SPTLC1: variants seen among roughly 807,000 people sequenced by gnomAD.
The protein encoded by SPTLC1 is serine palmitoyltransferase 1.
A neutral mutation model predicts 68.9 loss-of-function variants in SPTLC1; 55 were observed. The ratio of observed to expected loss-of-function variants is 0.80; its 90% CI spans 0.64 to 1.00. The LOEUF (loss-of-function observed/expected upper bound fraction) is 1.00. Ranked by LOEUF, SPTLC1 falls within the 50% of genes least tolerant of loss-of-function variation. The pLI, the probability that SPTLC1 is intolerant of heterozygous loss-of-function variation, is 0.00. For missense variants in SPTLC1, 449 were observed against 573.1 expected (o/e 0.78, Z 2.21); for synonymous variants, 197 against 201.6 (o/e 0.98, Z 0.19).
chr9:92,047,497 T>C, intron 10 of SPTLC1, 116 bp downstream of exon 10: 1 of 778,274 alleles, frequency 1.3e-6, no homozygotes. Context: ...AAATTGACAT[T>C]TAAATAAAAA....
intron 11 of SPTLC1, 179 bp from the exon 12 acceptor site, chr9:92,046,232 CT>C (rs1309972075): frequency 3.2e-6 from 2 of 626,992 alleles, no homozygotes; most frequent in Non-Finnish European, 5.6e-6. Flanking sequence ...CTGGTGCGTG[CT>C]AACTGGCCCC....
intron 9 of SPTLC1, among the ~76,000 whole-genome samples, chr9:92,048,145 G>A (rs145541036): frequency 1.4e-4 from 22 of 152,268 alleles, no homozygotes; most frequent in South Asian, 4.2e-4. Flanking sequence ...TATTCAGTTT[G>A]CCTCTCAGCA....
chr9:92,069,966 CTG>C (rs1834423252), intron 5 of SPTLC1, among the ~76,000 whole-genome samples: 1 of 152,188 alleles, frequency 6.6e-6, no homozygotes, highest in Non-Finnish European at 1.5e-5. Context: ...GAATGTAAAA[CTG>C]AGTATAACCC....
intron 9 of SPTLC1, among the ~76,000 whole-genome samples, chr9:92,049,396 C>T (rs994947226): frequency 6.6e-6 from 1 of 152,112 alleles, no homozygotes; most frequent in Non-Finnish European, 1.5e-5. Context: ...CAGTCTGGGT[C>T]CATTTCCCTC....
At chr9:92,032,830 C>T (rs1180348119) in intron 14 of SPTLC1, among the ~76,000 whole-genome samples, 2 of 150,316 alleles carry the variant, frequency 1.3e-5, no homozygotes, top group African/African-American at 2.5e-5. Context: ...GAGCCGAGAT[C>T]GCGCCATTGC....
chr9:92,046,175 T>A, intron 11 of SPTLC1, 122 bp from the exon 12 acceptor site: 1 of 882,530 alleles, frequency 1.1e-6, no homozygotes, highest in Non-Finnish European at 1.8e-6. Flanking sequence ...TTCTACATAC[T>A]AACAGAGCCA....
At chr9:92,108,607 A>C in intron 3 of SPTLC1, 133 bp downstream of exon 3, 5 of 1,257,690 alleles carry the variant, frequency 4.0e-6, no homozygotes, top group Non-Finnish European at 5.6e-6. Flanking sequence ...TCAGGAGCTA[A>C]AGCTGTTACT....
intron 13 of SPTLC1, among the ~76,000 whole-genome samples, chr9:92,037,595 G>A (rs764855881): frequency 3.9e-5 from 6 of 152,134 alleles, no homozygotes; most frequent in African/African-American, 7.2e-5. Context: ...CTGTAAACCC[G>A]CGTGCCCAGG....
rs537125477 is a variant in SPTLC1, at chr9:92,031,875, A to C, written c.*590T>G. 5.4e-5 allele frequency: 9 copies of C among 165,594 alleles called. No individual in the cohort carries two copies. The highest frequency in any genetic ancestry group is 1.9e-4 in the African/African-American group (8 of 41,902). The allele number at this position is 165,594 out of a possible 1,614,324, so 10.3% of individuals were successfully genotyped here. A position where few individuals can be genotyped will look rare whatever the true frequency, so the allele number is the denominator to read the frequency against. On this transcript the variant is annotated 3_prime_UTR_variant, in exon 15 of 15. Coordinates refer to ENST00000262554, the MANE Select transcript of SPTLC1 (RefSeq NM_006415.4). The stretch of plus-strand genomic sequence containing the variant: ...TGTGACATCAATATTTAGTGTGTAC[A>C]AAAGTTCTAAGATTCAAATACAATG...
intron 8 of SPTLC1, chr9:92,050,287 T>A (rs79573324): frequency 2.0e-6 from 1 of 495,092 alleles, no homozygotes; most frequent in African/African-American, 1.9e-5. Flanking sequence ...AGTGAAGAAT[T>A]TGAATTACCT....
chr9:92,051,179 C>T (rs1833692666), intron 8 of SPTLC1: 2 of 980,794 alleles, frequency 2.0e-6, no homozygotes, highest in Non-Finnish European at 2.4e-6. Context: ...TCTATTGATA[C>T]TTAAAATATA....
In SPTLC1 at chr9:92,046,071, G is replaced by C. The variant is rs756407686; in HGVS notation, c.1082-18C>G. ...AAAAATACCTAGATGAAAAAAATAC[G>C]TTTGAGAGTCTATTTGAAACTTATG... On this transcript the variant is annotated intron_variant, in intron 11 of 14. Transcript: ENST00000262554. The C allele has an allele frequency of 6.2e-7, 1 of 1,604,988 alleles. No individual in the cohort carries two copies. The highest frequency in any genetic ancestry group is 8.5e-7 in the Non-Finnish European group (1 of 1,174,012).
chr9:92,079,542 A>G, intron 5 of SPTLC1: 1 of 1,613,910 alleles, frequency 6.2e-7, no homozygotes, highest in Non-Finnish European at 8.5e-7. Flanking sequence ...ATACACAAGG[A>G]AATCAATGAT....
intron 5 of SPTLC1, among the ~76,000 whole-genome samples, chr9:92,077,741 C>T (rs868392146): frequency 1.6e-4 from 24 of 152,182 alleles, no homozygotes; most frequent in Non-Finnish European, 2.8e-4. Context: ...CGCTTTTACT[C>T]CAGACCATTG....
At chr9:92,047,382 G>C in intron 10 of SPTLC1, 114 bp from the exon 11 acceptor site, 1 of 899,986 alleles carries the variant, frequency 1.1e-6, no homozygotes, top group Admixed American at 2.0e-5. Context: ...GTGGTGAGGG[G>C]GGTAAGATCC....
In SPTLC1 at chr9:92,080,891, C is replaced by T. The variant is rs755311158; in HGVS notation, c.333G>A (p.Leu111=). The T allele has an allele frequency of 4.3e-6, 7 of 1,614,002 alleles. No homozygotes were observed. Among genetic ancestry groups the T allele is most frequent in the Middle Eastern group, 3.3e-4 (2 of 6,062 alleles). The part of the protein sequence containing the change: ...INFASFNFLG[L]LDNPRVKAAA... ...TCACCTTAACCCTAGGGTTATCCAA[C>T]AATCCAAGAAAATTAAATGAGGCGA... The change falls in exon 4 of 15, where the codon TTG becomes TTA. Residue 111 remains leucine, a synonymous_variant. Coordinates refer to ENST00000262554, the MANE Select transcript of SPTLC1 (RefSeq NM_006415.4).
At chr9:92,106,492 A>AG (rs1564119113) in intron 3 of SPTLC1, among the ~76,000 whole-genome samples, 1 of 149,348 alleles carries the variant, frequency 6.7e-6, no homozygotes, top group African/African-American at 2.5e-5. Flanking sequence ...AAAAAAAAAA[A>AG]GTAAGACATG....
rs1434518447 is a variant in SPTLC1 at position 92,049,996 on chromosome 9, C to T, written c.852G>A (p.Glu284=). ...AGTGTTCAGTGACTCCTCGGCCATG[C>T]TCTCCTAGGACTCCAAATGAAAGGC... ...EESLSFGVLG[E]HGRGVTEHYG... The change falls in exon 9 of 15, where the codon GAG becomes GAA. Residue 284 remains glutamate (E), a synonymous_variant. Transcript: ENST00000262554. 2 of 1,613,764 alleles carry T rather than the reference C, an allele frequency of 1.2e-6. No homozygotes were observed. Among genetic ancestry groups the T allele is most frequent in the Non-Finnish European group, 1.7e-6 (2 of 1,179,692 alleles).
chr9:92,078,736 T>C (rs1324520639), intron 5 of SPTLC1, among the ~76,000 whole-genome samples: 1 of 152,228 alleles, frequency 6.6e-6, no homozygotes, highest in African/African-American at 2.4e-5. Context: ...ATTACAGGCA[T>C]GAGCCACTAA....
Sources: gnomAD v4.1 joint callset for allele counts (sites outside exome capture counted in the v4.1 genomes callset) on GRCh38, gnomAD v4.1.1 for gene constraint, MANE v1.5 for transcripts, NCBI Gene and HGNC (gene_info 2026-07-23, HGNC 2026-07-21) for gene names.